Variants in AP3B1 observed in about 807,000 individuals in gnomAD.
AP3B1 encodes the protein AP-3 complex subunit beta-1.
A neutral mutation model predicts 132.5 loss-of-function variants in AP3B1; 61 were observed. That is an observed-to-expected ratio of 0.46 (90% CI 0.37 to 0.57). The LOEUF is 0.57. Among genes scored for constraint, AP3B1 ranks in the 20% least tolerant of loss-of-function variants. AP3B1 has a pLI of 0.00. For missense variants in AP3B1, 1,120 were observed against 1,289.4 expected, an observed-to-expected ratio of 0.87 and a Z score of 2.01; for synonymous variants, 388 against 438.3, an observed-to-expected ratio of 0.89 and a Z score of 1.43.
At chr5:78,131,686 A>G (rs1752692809) in intron 15 of AP3B1, among the ~76,000 whole-genome samples, 1 of 152,104 alleles carries the variant, frequency 6.6e-6, no homozygotes. Context: ...CCATCAAAAG[A>G]GTCTTCACGA....
chr5:78,023,661 A>G (rs1024432224), intron 24 of AP3B1, among the ~76,000 whole-genome samples: 3 of 152,218 alleles, frequency 2.0e-5, no homozygotes, highest in African/African-American at 7.2e-5. Context: ...ACAGAAGAAA[A>G]GCAACTTGCA....
At chr5:78,158,010 A>G (rs990100843) in intron 13 of AP3B1, among the ~76,000 whole-genome samples, 4 of 152,106 alleles carry the variant, frequency 2.6e-5, no homozygotes, top group Admixed American at 2.6e-4. Flanking sequence ...TGGCCTCCCA[A>G]AGTGCTGGGA....
intron 22 of AP3B1, among the ~76,000 whole-genome samples, chr5:78,086,056 T>C (rs1052802238): frequency 6.6e-6 from 1 of 152,076 alleles, no homozygotes; most frequent in African/African-American, 2.4e-5. Flanking sequence ...CACCTTCTAG[T>C]TTTGGTTTCT....
intron 7 of AP3B1, among the ~76,000 whole-genome samples, chr5:78,208,123 CT>C (rs1745587791): frequency 1.3e-5 from 2 of 151,788 alleles, no homozygotes; most frequent in Non-Finnish European, 2.9e-5. Context: ...AGAAGAAAGC[CT>C]AAGAAATAGG....
At chr5:78,155,294 A>G (rs1028578040) in intron 14 of AP3B1, among the ~76,000 whole-genome samples, 1 of 152,158 alleles carries the variant, frequency 6.6e-6, no homozygotes, top group African/African-American at 2.4e-5. Context: ...TCCATGCCAC[A>G]CTGCTGCTGC....
intron 17 of AP3B1, among the ~76,000 whole-genome samples, chr5:78,119,522 C>T (rs1157065004): frequency 1.3e-5 from 2 of 152,128 alleles, no homozygotes; most frequent in African/African-American, 4.8e-5. Context: ...AAAGCCAAGG[C>T]TCGAGAACTA....
At chr5:78,244,177 T>A (rs1747271694) in intron 2 of AP3B1, among the ~76,000 whole-genome samples, 1 of 151,992 alleles carries the variant, frequency 6.6e-6, no homozygotes. Flanking sequence ...GCAGATTACT[T>A]GAGGCCAGGA....
At chr5:78,052,287 T>C (rs55664342) in intron 22 of AP3B1, among the ~76,000 whole-genome samples, 2 of 152,200 alleles carry the variant, frequency 1.3e-5, no homozygotes, top group Non-Finnish European at 2.9e-5. Flanking sequence ...TTTGTGGAAA[T>C]ACGTGAACAC....
At chr5:78,078,429 A>G (rs542849537) in intron 22 of AP3B1, among the ~76,000 whole-genome samples, 1 of 152,326 alleles carries the variant, frequency 6.6e-6, no homozygotes, top group African/African-American at 2.4e-5. Flanking sequence ...CAACTGTTTC[A>G]CAATATGGCT....
chr5:78,120,352 T>C (rs550536145), intron 17 of AP3B1, among the ~76,000 whole-genome samples: 245 of 152,234 alleles, frequency 1.6e-3, no homozygotes, highest in African/African-American at 5.8e-3. Flanking sequence ...ATATTAACTT[T>C]AAATGTAAAT....
chr5:78,195,602 G>A (rs558783291), intron 7 of AP3B1, among the ~76,000 whole-genome samples: 17 of 152,256 alleles, frequency 1.1e-4, no homozygotes, highest in Admixed American at 7.8e-4. Context: ...GGCAGATCAC[G>A]AGGTCAGGAA....
At chr5:78,092,535 C>A (rs1431781578) in intron 21 of AP3B1, among the ~76,000 whole-genome samples, 1 of 152,084 alleles carries the variant, frequency 6.6e-6, no homozygotes, top group East Asian at 1.9e-4. Flanking sequence ...ATCATGCCCA[C>A]CTGGCAAATT....
chr5:78,164,506 G>C (rs1388980539), intron 12 of AP3B1, among the ~76,000 whole-genome samples: 2 of 151,872 alleles, frequency 1.3e-5, no homozygotes, highest in African/African-American at 4.8e-5. Flanking sequence ...GACTAGATAG[G>C]ACAACAGGAA....
At chr5:78,057,911 A>G (rs1263380709) in intron 22 of AP3B1, among the ~76,000 whole-genome samples, 1 of 152,188 alleles carries the variant, frequency 6.6e-6, no homozygotes, top group East Asian at 1.9e-4. Flanking sequence ...TGTAACTAAC[A>G]AAGTGCTAAG....
intron 1 of AP3B1, among the ~76,000 whole-genome samples, chr5:78,269,754 G>T (rs1300147784): frequency 1.3e-5 from 2 of 152,174 alleles, no homozygotes; most frequent in Non-Finnish European, 2.9e-5. Context: ...CCCATGAGGA[G>T]ATAGGTACCA....
chr5:78,111,895 C>T (rs1219834682), intron 19 of AP3B1, among the ~76,000 whole-genome samples: 1 of 152,088 alleles, frequency 6.6e-6, no homozygotes, highest in African/African-American at 2.4e-5. Context: ...GGTTAAATAA[C>T]CTGCTCAAGG....
chr5:78,060,336 A>G (rs1454536499), intron 22 of AP3B1, among the ~76,000 whole-genome samples: 1 of 152,242 alleles, frequency 6.6e-6, no homozygotes, highest in Non-Finnish European at 1.5e-5. Context: ...AGAAAAGTGG[A>G]ACCACAAAAC....
intron 7 of AP3B1, among the ~76,000 whole-genome samples, chr5:78,207,172 C>T (rs997336747): frequency 1.3e-5 from 2 of 150,546 alleles, no homozygotes; most frequent in Non-Finnish European, 2.9e-5. Context: ...GCAGGAGAAT[C>T]ATTTGCATCC....
chr5:78,189,361 T>A (rs981088555), intron 7 of AP3B1, among the ~76,000 whole-genome samples: 3 of 152,208 alleles, frequency 2.0e-5, no homozygotes, highest in African/African-American at 7.2e-5. Context: ...TGGTTTGATT[T>A]TAATATGCAT....
Sources: allele counts gnomAD v4.1 joint callset (sites outside exome capture counted in the v4.1 genomes callset), GRCh38; gene constraint gnomAD v4.1.1; transcripts MANE v1.5; gene names NCBI Gene and HGNC (gene_info 2026-07-23, HGNC 2026-07-21).